Variants in SP1 observed in about 807,000 individuals in gnomAD.
SP1 encodes transcription factor Sp1.
In SP1, 6 loss-of-function variants were observed where a neutral mutation model predicts 66.3. The observed-to-expected ratio is 0.09, with a 90% CI of 0.05 to 0.18. SP1 has a LOEUF of 0.18. Among genes scored for constraint, SP1 ranks in the 10% least tolerant of loss-of-function variants. The pLI, the probability that SP1 is intolerant of heterozygous loss-of-function variation, is 1.00. For missense variants in SP1, 848 were observed against 964.5 expected (o/e 0.88, Z 1.60); for synonymous variants, 417 against 360.8 (o/e 1.16, Z -1.77).
chr12:53,390,480 C>T (rs1442651821), intron 3 of SP1, among the ~76,000 whole-genome samples: 2 of 151,974 alleles, frequency 1.3e-5, no homozygotes, highest in Non-Finnish European at 2.9e-5. Flanking sequence ...CTCAGGAGTT[C>T]GTGACCAGCC....
intron 4 of SP1, among the ~76,000 whole-genome samples, chr12:53,408,936 C>T (rs1335438214): frequency 6.6e-6 from 1 of 150,554 alleles, no homozygotes; most frequent in African/African-American, 2.4e-5. Flanking sequence ...AAAAAGAAGC[C>T]TTGGTCCAGT....
chr12:53,407,864 C>T (rs1292256789), intron 4 of SP1, among the ~76,000 whole-genome samples: 1 of 150,184 alleles, frequency 6.7e-6, no homozygotes, highest in Admixed American at 6.6e-5. Flanking sequence ...TCTCGATCTC[C>T]TGACCTTGTG....
At chr12:53,403,072 A>G (rs1054933010) in intron 3 of SP1, among the ~76,000 whole-genome samples, 1 of 151,964 alleles carries the variant, frequency 6.6e-6, no homozygotes, top group Non-Finnish European at 1.5e-5. Context: ...TGCTTGAACC[A>G]GGGAGGCGGA....
chr12:53,400,090 T>C (rs1433158043), intron 3 of SP1, among the ~76,000 whole-genome samples: 1 of 152,172 alleles, frequency 6.6e-6, no homozygotes, highest in East Asian at 1.9e-4. Context: ...TTCACAGGAT[T>C]GTGCAACCAT....
At chr12:53,381,857 A>C in intron 2 of SP1, 44 bp downstream of exon 2, 1 of 1,573,080 alleles carries the variant, frequency 6.4e-7, no homozygotes, top group South Asian at 1.2e-5. Flanking sequence ...AGAAGATGTA[A>C]ATATTCTTAG....
At chr12:53,400,639 G>C (rs1359146134) in intron 3 of SP1, among the ~76,000 whole-genome samples, 8 of 152,052 alleles carry the variant, frequency 5.3e-5, no homozygotes, top group Non-Finnish European at 8.8e-5. Context: ...CGTCGCCCAG[G>C]CTGGAGTGGT....
intron 3 of SP1, among the ~76,000 whole-genome samples, chr12:53,385,216 C>A (rs1275925177): frequency 2.0e-5 from 3 of 147,544 alleles, no homozygotes; most frequent in Non-Finnish European, 4.5e-5. Flanking sequence ...ATTGCTTGAA[C>A]CTGGGAGGCA....
chr12:53,385,361 C>T (rs549635837), intron 3 of SP1, among the ~76,000 whole-genome samples: 15 of 150,108 alleles, frequency 1.0e-4, no homozygotes, highest in Non-Finnish European at 1.8e-4. Context: ...TTTGGGAGGC[C>T]GAGGCGGGTG....
Position 53,382,916 on chromosome 12 carries a change from T to C in SP1, c.969T>C (p.Asn323=). 6.2e-7 allele frequency: 1 copy of C among 1,614,142 alleles called. No individual in the cohort carries two copies. Residue 323 remains asparagine, a synonymous_variant, in exon 3 of 6, where the codon AAT becomes AAC. Coordinates refer to ENST00000327443, the MANE Select transcript of SP1 (RefSeq NM_138473.3). ...SQASSSSFFT[N]ANSYSTTTTT... ...CCAGTTCCAGCTCCTTTTTCACCAA[T>C]GCCAATAGCTACTCAACTACTACTA... is the stretch of plus-strand genomic sequence containing the variant.
chr12:53,403,198 T>G (rs1311607494), intron 3 of SP1, among the ~76,000 whole-genome samples: 1 of 152,010 alleles, frequency 6.6e-6, no homozygotes, highest in African/African-American at 2.4e-5. Flanking sequence ...CAAAATTATG[T>G]GGAAGAGCTG....
rs1412816033 is a variant in SP1, at chr12:53,380,200, G to A, written c.-92G>A. 1.6e-5 allele frequency: 15 copies of A among 921,186 alleles called. No individual in the cohort carries two copies. Among genetic ancestry groups the A allele is most frequent in the Non-Finnish European group, 2.5e-5 (14 of 565,680 alleles). The allele number at this position is 921,186 out of a possible 1,614,324, so 57.1% of individuals were successfully genotyped here. On this transcript the variant is annotated 5_prime_UTR_variant, in exon 1 of 6. Transcript: ENST00000327443. ...TACCCCCCCCTCCCTGTCCGGTCCG[G>A]GTTCGCTTGCCTCGTCAGCGTCCGC...
chr12:53,399,209 G>A (rs1219184653), intron 3 of SP1, among the ~76,000 whole-genome samples: 2 of 152,148 alleles, frequency 1.3e-5, no homozygotes, highest in Admixed American at 1.3e-4. Context: ...ATACTGTGAT[G>A]AACATCCTTA....
At chr12:53,409,629 A>T in intron 5 of SP1, 68 bp downstream of exon 5, 1 of 1,243,870 alleles carries the variant, frequency 8.0e-7, no homozygotes. Context: ...ATATACCTAC[A>T]AAATAACTAA....
chr12:53,412,599 C>T lies in SP1; in HGVS notation c.*1359C>T, dbSNP rs917567762. 2 of 152,590 alleles carry T rather than the reference C, an allele frequency of 1.3e-5. No individual in the cohort carries two copies. The highest frequency in any genetic ancestry group is 2.9e-5 in the Non-Finnish European group (2 of 68,036). 9.5% of individuals were successfully genotyped at this position (152,590 alleles called of 1,614,324 possible). A position where few individuals can be genotyped will look rare whatever the true frequency, so the allele number is the denominator to read the frequency against. ...GACAGTGGTTCTTATGATGTTTTCC[C>T]TTAACTTTTCCTTGTATGTTCTTGG... On this transcript the variant is annotated 3_prime_UTR_variant, in exon 6 of 6. Transcript: ENST00000327443.
At chr12:53,398,210 C>A (rs1242906939) in intron 3 of SP1, among the ~76,000 whole-genome samples, 2 of 152,032 alleles carry the variant, frequency 1.3e-5, no homozygotes, top group East Asian at 3.9e-4. Flanking sequence ...TTCTTTGTAC[C>A]ACTTTAACCA....
chr12:53,380,783 A>T (rs1160550302), intron 1 of SP1: 1 of 358,992 alleles, frequency 2.8e-6, no homozygotes, highest in Non-Finnish European at 3.3e-6. Context: ...CCTCACCCCG[A>T]AACCGCCCTT....
intron 3 of SP1, among the ~76,000 whole-genome samples, chr12:53,397,801 G>A (rs1034902621): frequency 1.3e-5 from 2 of 151,808 alleles, no homozygotes; most frequent in Non-Finnish European, 2.9e-5. Flanking sequence ...TGATCCTCCC[G>A]CCTTGGCCTC....
At chr12:53,405,996 TAATAAAAAAAAACAACTATG>T (rs1388249414) in intron 3 of SP1, among the ~76,000 whole-genome samples, 2 of 89,438 alleles carry the variant, frequency 2.2e-5, no homozygotes, top group Non-Finnish European at 4.0e-5. Context: ...TAAAGTATAA[TAATAAAAAAAAACAACTATG>T]AGATTTGATC....
In SP1 at chr12:53,416,097, A is replaced by C. The variant is rs1395526357; in HGVS notation, c.*4857A>C. On this transcript the variant is annotated 3_prime_UTR_variant, in exon 6 of 6. Coordinates refer to ENST00000327443, the MANE Select transcript of SP1 (RefSeq NM_138473.3). ...TTCTCTCTTAACACTGGCAATAACC[A>C]GTCCACACCACTGTTGCCTTTTAAA... 1 of 152,694 alleles carries C rather than the reference A, an allele frequency of 6.5e-6. No homozygotes were observed. The highest frequency in any genetic ancestry group is 1.9e-4 in the East Asian group (1 of 5,202). The allele number at this position is 152,694 out of a possible 1,614,324, so 9.5% of individuals were successfully genotyped here. A position where few individuals can be genotyped will look rare whatever the true frequency, so the allele number is the denominator to read the frequency against.
Sources: allele counts gnomAD v4.1 joint callset (sites outside exome capture counted in the v4.1 genomes callset), GRCh38; gene constraint gnomAD v4.1.1; transcripts MANE v1.5; gene names NCBI Gene and HGNC (gene_info 2026-07-23, HGNC 2026-07-21).